Variants in KDM2A observed in about 807,000 individuals in gnomAD.
KDM2A encodes the protein lysine-specific demethylase 2A.
KDM2A carries 3 observed loss-of-function variants against 137.3 expected under a neutral mutation model. The observed-to-expected ratio is 0.02, with a 90% CI of 0.01 to 0.06. The LOEUF (loss-of-function observed/expected upper bound fraction) is 0.06, where lower values mean the gene tolerates loss of function less well. Ranked by LOEUF, KDM2A falls within the 10% of genes least tolerant of loss-of-function variation. The pLI is 1.00. For missense variants in KDM2A, 738 were observed against 1,510.6 expected (o/e 0.49, Z 8.48); for synonymous variants, 512 against 541.5 (o/e 0.95, Z 0.76).
chr11:67,154,631 G>T (rs1447276965), intron 2 of KDM2A, among the ~76,000 whole-genome samples: 1 of 151,884 alleles, frequency 6.6e-6, no homozygotes, highest in East Asian at 1.9e-4. Context: ...TAGAGATGGG[G>T]TTTTGCCATG....
intron 5 of KDM2A, among the ~76,000 whole-genome samples, chr11:67,183,126 C>T (rs954133359): frequency 2.0e-4 from 30 of 152,130 alleles, no homozygotes; most frequent in African/African-American, 7.2e-4. Context: ...TGTTTTAAAC[C>T]CTGGCCATCT....
chr11:67,126,532 A>G (rs1855735240), intron 2 of KDM2A, among the ~76,000 whole-genome samples: 1 of 151,818 alleles, frequency 6.6e-6, no homozygotes, highest in African/African-American at 2.4e-5. Context: ...ACAAGGTGGA[A>G]CCCTGTCTCT....
intron 8 of KDM2A, 100 bp from the exon 9 acceptor site, chr11:67,217,631 T>G: frequency 8.2e-7 from 1 of 1,224,312 alleles, no homozygotes; most frequent in Non-Finnish European, 1.2e-6. Flanking sequence ...CTTGCCTTTC[T>G]TCTACCTGGT....
chr11:67,120,899 A>G (rs1006713789), intron 1 of KDM2A, among the ~76,000 whole-genome samples: 2 of 152,114 alleles, frequency 1.3e-5, no homozygotes, highest in Non-Finnish European at 2.9e-5. Flanking sequence ...CTCTCTGGAG[A>G]TAAAAGTCCT....
chr11:67,219,188 A>G (rs923675022), intron 9 of KDM2A, 100 bp from the exon 10 acceptor site: 3 of 470,658 alleles, frequency 6.4e-6, no homozygotes, highest in African/African-American at 2.0e-5. Flanking sequence ...AAGCAGAATC[A>G]GAGTGAAGAG....
At chr11:67,174,251 C>G (rs1856933673) in intron 2 of KDM2A, among the ~76,000 whole-genome samples, 1 of 152,046 alleles carries the variant, frequency 6.6e-6, no homozygotes, top group Non-Finnish European at 1.5e-5. Context: ...GAGTAAGACT[C>G]TGTCTCAAAA....
chr11:67,200,035 C>T (rs923021996), intron 5 of KDM2A, among the ~76,000 whole-genome samples: 5 of 152,064 alleles, frequency 3.3e-5, no homozygotes, highest in Non-Finnish European at 7.4e-5. Flanking sequence ...ATTAATGGAA[C>T]AACAAAGCCT....
chr11:67,216,667 TC>T (rs1166869755), intron 8 of KDM2A, among the ~76,000 whole-genome samples: 5 of 151,470 alleles, frequency 3.3e-5, no homozygotes, highest in Admixed American at 6.6e-5. Flanking sequence ...ACGCCTGTAA[TC>T]CCAGCACTTT....
At chr11:67,129,665 C>T (rs1360217076) in intron 2 of KDM2A, among the ~76,000 whole-genome samples, 30 of 147,252 alleles carry the variant, frequency 2.0e-4, no homozygotes, top group Non-Finnish European at 3.3e-4. Flanking sequence ...ACCCGGGAGG[C>T]GGAGCTTGCA....
intron 6 of KDM2A, among the ~76,000 whole-genome samples, chr11:67,209,865 A>G (rs949975116): frequency 3.9e-5 from 6 of 152,112 alleles, no homozygotes; most frequent in Non-Finnish European, 8.8e-5. Flanking sequence ...GTTCAAGACC[A>G]GCCTGGTTAA....
chr11:67,142,173 T>C (rs1385664226), intron 2 of KDM2A, among the ~76,000 whole-genome samples: 3 of 151,414 alleles, frequency 2.0e-5, no homozygotes, highest in Non-Finnish European at 4.4e-5. Flanking sequence ...TGAGTAATGG[T>C]TTACAGGTGT....
At position 67,246,129 on chromosome 11, in the gene KDM2A, A is replaced by T. The variant is rs375285238; in HGVS notation, c.1965+13A>T. The T allele has an allele frequency of 6.2e-7, 1 of 1,613,388 alleles. No homozygotes were observed. Among genetic ancestry groups the T allele is most frequent in the Admixed American group, 1.7e-5 (1 of 60,020 alleles). On this transcript the variant is annotated intron_variant, in intron 15 of 20. Transcript: ENST00000529006. ...TGGCTGCCTCCAGGTGAGGAGAGCT[A>T]TGAGGGGTTCCTGAAGTCTCAGCTA... is the stretch of plus-strand genomic sequence containing the variant.
At chr11:67,151,060 C>G (rs753526413) in intron 2 of KDM2A, among the ~76,000 whole-genome samples, 1 of 152,120 alleles carries the variant, frequency 6.6e-6, no homozygotes, top group African/African-American at 2.4e-5. Flanking sequence ...ATAGTAGAAG[C>G]AGGGGTTCAG....
chr11:67,173,477 C>G (rs1856918345), intron 2 of KDM2A, among the ~76,000 whole-genome samples: 2 of 151,806 alleles, frequency 1.3e-5, no homozygotes, highest in Admixed American at 1.3e-4. Context: ...AGGCTGGTCT[C>G]CAGCTCCTGA....
In KDM2A at chr11:67,255,662, C is replaced by T; in HGVS notation, c.*607C>T. On this transcript the variant is annotated 3_prime_UTR_variant, in exon 21 of 21. Coordinates refer to ENST00000529006, the MANE Select transcript of KDM2A (RefSeq NM_012308.3). ...TCCTCTCCCTTGAGCTTGGTTCTGC[C>T]CAGCACTCGTGCTTGTTCACATAAT... 2.3e-6 allele frequency: 1 copy of T among 439,138 alleles called. No homozygotes were observed. Among genetic ancestry groups the T allele is most frequent in the Non-Finnish European group, 4.6e-6 (1 of 216,632 alleles). The allele number at this position is 439,138 out of a possible 1,614,324, so 27.2% of individuals were successfully genotyped here.
At chr11:67,192,433 CTTTTTTTTTTTTTT>C (rs921321640) in intron 5 of KDM2A, among the ~76,000 whole-genome samples, 10 of 70,558 alleles carry the variant, frequency 1.4e-4, no homozygotes, top group Admixed American at 1.7e-4. Flanking sequence ...GTTTCCATTT[CTTTTTTTTTTTTTT>C]TTTTTTTTTT....
chr11:67,136,553 A>C (rs4489751), intron 2 of KDM2A, among the ~76,000 whole-genome samples: 22 of 152,310 alleles, frequency 1.4e-4, no homozygotes, highest in Admixed American at 7.2e-4. Flanking sequence ...GCTTTGAAGA[A>C]ATTACAAGGA....
rs1690802510 is a variant in KDM2A at position 67,255,860 on chromosome 11, T to C, written c.*805T>C. On this transcript the variant is annotated 3_prime_UTR_variant, in exon 21 of 21. Transcript: ENST00000529006. ...ACAGGCACCATCTCCTTGTTCCCCC[T>C]CTCTCTTTTGCCTCCCACTGACTGC... 2 of 275,178 alleles carry C rather than the reference T, an allele frequency of 7.3e-6. No individual in the cohort carries two copies. The highest frequency in any genetic ancestry group is 4.8e-5 in the Admixed American group (1 of 20,922). 17.0% of individuals were successfully genotyped at this position (275,178 alleles called of 1,614,324 possible).
At chr11:67,253,370 T>C in intron 18 of KDM2A, 83 bp from the exon 19 acceptor site, 1 of 1,225,996 alleles carries the variant, frequency 8.2e-7, no homozygotes, top group Non-Finnish European at 1.2e-6. Flanking sequence ...GACTGGAAGT[T>C]TGTTCACTTT....
Sources: gnomAD v4.1 joint callset for allele counts (sites outside exome capture counted in the v4.1 genomes callset) on GRCh38, gnomAD v4.1.1 for gene constraint, MANE v1.5 for transcripts, NCBI Gene and HGNC (gene_info 2026-07-23, HGNC 2026-07-21) for gene names.